VAC14: variants seen among roughly 807,000 people sequenced by gnomAD.
VAC14 encodes protein VAC14 homolog.
A neutral mutation model predicts 85.3 loss-of-function variants in VAC14; 47 were observed. The observed-to-expected ratio is 0.55, with a 90% CI of 0.44 to 0.70. VAC14 has a LOEUF of 0.70. VAC14 is among the 30% of genes least tolerant of loss of function. The pLI is 0.00. For missense variants in VAC14, 861 were observed against 1,004.3 expected (o/e 0.86, Z 1.93); for synonymous variants, 447 against 430.5 (o/e 1.04, Z -0.47).
At chr16:70,780,269 T>C (rs1567599294) in intron 9 of VAC14, among the ~76,000 whole-genome samples, 1 of 152,214 alleles carries the variant, frequency 6.6e-6, no homozygotes, top group East Asian at 1.9e-4. Flanking sequence ...GGCAAGAGAA[T>C]TTTCAAGTAC....
chr16:70,718,054 G>T (rs1276426898), intron 14 of VAC14, among the ~76,000 whole-genome samples: 3 of 152,232 alleles, frequency 2.0e-5, no homozygotes, highest in African/African-American at 7.2e-5. Flanking sequence ...CAGGAGCTGA[G>T]CCCGAGGGAG....
At chr16:70,778,078 T>C (rs530456603) in intron 9 of VAC14, among the ~76,000 whole-genome samples, 1 of 152,204 alleles carries the variant, frequency 6.6e-6, no homozygotes, top group Non-Finnish European at 1.5e-5. Flanking sequence ...TTTCATCTGC[T>C]GAAATGCTGT....
intron 9 of VAC14, 93 bp downstream of exon 9, chr16:70,780,697 G>A: frequency 1.4e-6 from 2 of 1,449,764 alleles, no homozygotes; most frequent in Non-Finnish European, 1.8e-6. Flanking sequence ...AAGTAGTCCT[G>A]GTTGCTTAAG....
intron 1 of VAC14, among the ~76,000 whole-genome samples, chr16:70,787,219 G>A (rs1393278706): frequency 2.6e-5 from 4 of 152,198 alleles, no homozygotes; most frequent in Admixed American, 1.3e-4. Context: ...CTGATGCCGG[G>A]GACGTTCAGG....
chr16:70,794,433 G>C (rs1189714791), intron 1 of VAC14, among the ~76,000 whole-genome samples: 1 of 151,940 alleles, frequency 6.6e-6, no homozygotes, highest in Non-Finnish European at 1.5e-5. Context: ...TGTTTTCAAG[G>C]GGCTTTTTTT....
At chr16:70,783,216 G>A (rs1368828412) in intron 6 of VAC14, 77 bp from the exon 7 acceptor site, 22 of 1,484,448 alleles carry the variant, frequency 1.5e-5, no homozygotes, top group Middle Eastern at 3.5e-4. Flanking sequence ...CCCCATTTCC[G>A]TGCTGGGTCA....
intron 9 of VAC14, among the ~76,000 whole-genome samples, chr16:70,780,288 T>A (rs908462845): frequency 3.3e-5 from 5 of 152,096 alleles, no homozygotes; most frequent in Non-Finnish European, 7.4e-5. Flanking sequence ...ACAGAATAAA[T>A]CGAAGCTAGA....
At chr16:70,795,181 CCT>C (rs1445549281) in intron 1 of VAC14, among the ~76,000 whole-genome samples, 1 of 152,102 alleles carries the variant, frequency 6.6e-6, no homozygotes, top group African/African-American at 2.4e-5. Flanking sequence ...GAATGCATCC[CCT>C]GAGCCGGGCG....
At chr16:70,760,924 C>T (rs1215842409) in intron 12 of VAC14, among the ~76,000 whole-genome samples, 3 of 146,776 alleles carry the variant, frequency 2.0e-5, no homozygotes, top group Non-Finnish European at 4.5e-5. Context: ...CCAAGTCCAC[C>T]TGGGCCTCGC....
At chr16:70,718,358 G>A (rs1472425646) in intron 14 of VAC14, among the ~76,000 whole-genome samples, 2 of 152,026 alleles carry the variant, frequency 1.3e-5, no homozygotes, top group African/African-American at 4.8e-5. Flanking sequence ...GGATCACGGG[G>A]TCAGGAGATT....
intron 14 of VAC14, among the ~76,000 whole-genome samples, chr16:70,709,669 CG>C (rs376888717): frequency 2.5e-4 from 38 of 152,346 alleles, no homozygotes; most frequent in Middle Eastern, 3.4e-3. Flanking sequence ...AGAAAGTCCA[CG>C]GGGCTGACTC....
Position 70,783,510 on chromosome 16 carries a change from G to C in VAC14, c.639C>G (p.Tyr213Ter), listed in dbSNP as rs763955428. ...ESVPDINLLD[Y>*]LPEILDGLFQ... Reference sequence around the variant, plus strand: ...AGAGTCCATCCAGGATCTCCGGCAGGTAATCCAGCAGGTTAATGTCTGGCA... The same window carrying C: ...AGAGTCCATCCAGGATCTCCGGCAGCTAATCCAGCAGGTTAATGTCTGGCA... Residue 213 changes from tyrosine (Y) to a stop codon, truncating the protein, a stop_gained, in exon 6 of 19, where the codon TAC becomes TAG. Transcript: ENST00000261776. LOFTEE classifies it high-confidence loss of function. 1 of 1,614,096 alleles carries C rather than the reference G, an allele frequency of 6.2e-7. No homozygotes were observed. Among genetic ancestry groups the C allele is most frequent in the South Asian group, 1.1e-5 (1 of 91,092 alleles).
At chr16:70,798,224 GGT>G (rs2034628977) in intron 1 of VAC14, among the ~76,000 whole-genome samples, 2 of 140,258 alleles carry the variant, frequency 1.4e-5, no homozygotes, top group African/African-American at 6.6e-5. Flanking sequence ...CAGGAAATAG[GGT>G]ATCTTAAAGG....
chr16:70,718,852 G>A (rs1259761732), intron 14 of VAC14, among the ~76,000 whole-genome samples: 1 of 152,172 alleles, frequency 6.6e-6, no homozygotes, highest in Non-Finnish European at 1.5e-5. Flanking sequence ...TGGTGGCCGT[G>A]TCTCTGCCAC....
intron 13 of VAC14, among the ~76,000 whole-genome samples, chr16:70,738,499 G>C (rs1477499349): frequency 1.3e-5 from 2 of 152,150 alleles, no homozygotes; most frequent in African/African-American, 4.8e-5. Flanking sequence ...ATAGCAGTCT[G>C]CCACCGGGAA....
intron 1 of VAC14, among the ~76,000 whole-genome samples, chr16:70,797,565 T>C (rs375155953): frequency 6.6e-6 from 1 of 152,220 alleles, no homozygotes; most frequent in Non-Finnish European, 1.5e-5. Context: ...TCTCTCTCTA[T>C]GTATACAGTT....
Position 70,800,902 on chromosome 16 carries a change from G to A in VAC14, c.-2C>T, listed in dbSNP as rs1321191684. The A allele has an allele frequency of 3.8e-6, 6 of 1,583,520 alleles. No individual in the cohort carries two copies. Among genetic ancestry groups the A allele is most frequent in the Non-Finnish European group, 5.2e-6 (6 of 1,164,098 alleles). ...CGCGAAATCCTTCTCGGGGTTCATG[G>A]TGGCAGCTGGGGGAACCTCGCGACT... On this transcript the variant is annotated 5_prime_UTR_variant, in exon 1 of 19. Transcript: ENST00000261776.
intron 18 of VAC14, chr16:70,691,286 G>T (rs1179285894): frequency 2.4e-5 from 24 of 985,302 alleles, no homozygotes; most frequent in Non-Finnish European, 2.9e-5. Context: ...CTCCCAGGAA[G>T]GCAGGCTGGT....
chr16:70,688,850 C>T (rs2053546710), intron 18 of VAC14: 1 of 985,606 alleles, frequency 1.0e-6, no homozygotes. Flanking sequence ...TGTCCTGTTC[C>T]TACTCACCCT....
Sources: gnomAD v4.1 joint callset for allele counts (sites outside exome capture counted in the v4.1 genomes callset) on GRCh38, gnomAD v4.1.1 for gene constraint, MANE v1.5 for transcripts, NCBI Gene and HGNC (gene_info 2026-07-23, HGNC 2026-07-21) for gene names.